The following TNIK variants were observed in gnomAD, a reference collection of about 807,000 sequenced individuals.
TNIK encodes TRAF2 and NCK-interacting protein kinase.
A neutral mutation model predicts 191.3 loss-of-function variants in TNIK; 49 were observed. The observed-to-expected ratio is 0.26, with a 90% CI of 0.20 to 0.32. The LOEUF (loss-of-function observed/expected upper bound fraction) is 0.32. TNIK is among the 10% of genes least tolerant of loss of function. The pLI, the probability that TNIK is intolerant of heterozygous loss-of-function variation, is 1.00. For missense variants in TNIK, 1,155 were observed against 1,702.3 expected (o/e 0.68, Z 5.66); for synonymous variants, 594 against 600.9 (o/e 0.99, Z 0.17).
chr3:171,244,891 T>C (rs61792441), intron 2 of TNIK, among the ~76,000 whole-genome samples: 4,168 of 151,720 alleles, frequency 0.027, 98 homozygotes, highest in East Asian at 0.078. Flanking sequence ...CTTGTCTAGA[T>C]TTCAACAAAA....
intron 18 of TNIK, among the ~76,000 whole-genome samples, chr3:171,113,998 TAAAAAAA>T (rs10576485): frequency 1.0e-4 from 14 of 139,448 alleles, no homozygotes; most frequent in African/African-American, 3.7e-4. Context: ...ACGATTTTGT[TAAAAAAA>T]AAAAAAAAAA....
In TNIK at chr3:171,408,916, A is replaced by T. The variant is rs141881082; in HGVS notation, c.58-39231T>A. On this transcript the variant is annotated intron_variant, in intron 1 of 32. Transcript: ENST00000436636. ...TGCCAATCGGTACACCTCACTCGCAACTGCACATCAGGGAATAAGAGTAAA... is the reference window on the plus strand; with the variant it reads ...TGCCAATCGGTACACCTCACTCGCATCTGCACATCAGGGAATAAGAGTAAA... 2.3e-3 allele frequency among the ~76,000 whole-genome samples: 344 copies of T among 152,258 alleles called. 2 individuals are homozygous for T. Among genetic ancestry groups the T allele is most frequent in the Admixed American group, 3.7e-3 (56 of 15,300 alleles).
intron 2 of TNIK, among the ~76,000 whole-genome samples, chr3:171,278,201 C>A (rs879520714): frequency 2.6e-4 from 39 of 152,112 alleles, no homozygotes; most frequent in Non-Finnish European, 1.2e-4. Flanking sequence ...TGCACAAGAT[C>A]CCTCTCTCCC....
rs760319253 is a variant in TNIK at position 171,264,067 on chromosome 3, TACACACACACAC to T, written c.124-35858_124-35847del. Among the ~76,000 whole-genome samples, 461 of 110,796 alleles carry T rather than the reference TACACACACACAC, an allele frequency of 4.2e-3. 4 individuals are homozygous for T. Among genetic ancestry groups the T allele is most frequent in the Non-Finnish European group, 5.1e-3 (271 of 53,484 alleles). The allele number at this position is 110,796 out of a possible 152,430, so 72.7% of individuals were successfully genotyped here. On this transcript the variant is annotated intron_variant, in intron 2 of 32. Transcript: ENST00000436636. ...ATATGTGTGTGTGTATATATATACA[TACACACACACAC>T]ACACACACACACACACACACACACA... is the stretch of plus-strand genomic sequence containing the variant.
chr3:171,299,873 C>A (rs185274254), intron 2 of TNIK, among the ~76,000 whole-genome samples: 1 of 152,164 alleles, frequency 6.6e-6, no homozygotes, highest in Non-Finnish European at 1.5e-5. Context: ...CAACACCTAA[C>A]GTACAAGGAG....
At chr3:171,315,037 AC>A (rs564418819) in intron 2 of TNIK, among the ~76,000 whole-genome samples, 2 of 151,664 alleles carry the variant, frequency 1.3e-5, no homozygotes, top group Non-Finnish European at 2.9e-5. Context: ...ACAACCACAA[AC>A]CCCCCCTCCT....
intron 3 of TNIK, 36 bp downstream of exon 3, chr3:171,228,129 G>A (rs769299956): frequency 1.2e-6 from 2 of 1,610,298 alleles, no homozygotes; most frequent in South Asian, 1.1e-5. Context: ...AGGAGCATCT[G>A]CATGGCTATT....
chr3:171,381,327 T>C (rs1717997686), intron 1 of TNIK, among the ~76,000 whole-genome samples: 1 of 152,204 alleles, frequency 6.6e-6, no homozygotes, highest in African/African-American at 2.4e-5. Context: ...GGGGTTTCTT[T>C]ACTGCAAGGC....
chr3:171,106,752 A>G (rs1177962841), intron 21 of TNIK: 1 of 535,620 alleles, frequency 1.9e-6, no homozygotes, highest in African/African-American at 1.9e-5. Flanking sequence ...AATTAATCTA[A>G]CAATACCTAC....
intron 28 of TNIK, among the ~76,000 whole-genome samples, chr3:171,076,322 A>G (rs9840558): frequency 0.99 from 151,456 of 152,284 alleles, 75,316 homozygotes; most frequent in Middle Eastern, 1. Context: ...CTAGTTGGCA[A>G]AATGTGATAC....
chr3:171,188,093 G>T (rs929178051), intron 7 of TNIK, among the ~76,000 whole-genome samples: 2 of 152,196 alleles, frequency 1.3e-5, no homozygotes, highest in South Asian at 4.1e-4. Context: ...GCTTCTTGGA[G>T]AAATCTATTT....
chr3:171,337,017 C>A (rs1037449650), intron 2 of TNIK, among the ~76,000 whole-genome samples: 34 of 152,318 alleles, frequency 2.2e-4, no homozygotes, highest in African/African-American at 8.2e-4. Flanking sequence ...TTCCCCACAG[C>A]CTCACCTCTC....
intron 2 of TNIK, among the ~76,000 whole-genome samples, chr3:171,285,315 A>G (rs1186449567): frequency 6.6e-6 from 1 of 152,236 alleles, no homozygotes; most frequent in Non-Finnish European, 1.5e-5. Context: ...TAAATTCCTC[A>G]GCAATACTTA....
At position 171,120,509 on chromosome 3, in the gene TNIK, C is replaced by T. The variant is rs141050071; in HGVS notation, c.2120+3087G>A. ...CTAATTTTTGTATTTTTAGTAGAGA[C>T]GGGGTTTCACCGTGTTAGCCAGGAT... On this transcript the variant is annotated intron_variant, in intron 18 of 32. Transcript: ENST00000436636. 1.2e-3 allele frequency among the ~76,000 whole-genome samples: 185 copies of T among 152,072 alleles called. 1 individual carries two copies. Among genetic ancestry groups the T allele is most frequent in the Admixed American group, 2.2e-3 (33 of 15,274 alleles).
chr3:171,339,612 G>A (rs186063718), intron 2 of TNIK, among the ~76,000 whole-genome samples: 147 of 152,288 alleles, frequency 9.7e-4, no homozygotes, highest in African/African-American at 3.2e-3. Flanking sequence ...TGAACAGACC[G>A]AGGTCCTTCA....
chr3:171,390,268 C>T (rs886558358), intron 1 of TNIK, among the ~76,000 whole-genome samples: 4 of 152,166 alleles, frequency 2.6e-5, no homozygotes, highest in Non-Finnish European at 4.4e-5. Context: ...TCGGTACTTT[C>T]GTTTAGCTAT....
chr3:171,178,164 G>C (rs1736187080), intron 7 of TNIK, among the ~76,000 whole-genome samples: 2 of 152,126 alleles, frequency 1.3e-5, no homozygotes, highest in Non-Finnish European at 1.5e-5. Flanking sequence ...CAAATCCGAG[G>C]GTGTATGCTT....
At chr3:171,376,734 T>A (rs530958736) in intron 1 of TNIK, among the ~76,000 whole-genome samples, 1 of 147,024 alleles carries the variant, frequency 6.8e-6, no homozygotes, top group Non-Finnish European at 1.5e-5. Flanking sequence ...TATATACAGA[T>A]AGATAGATAG....
chr3:171,346,115 GC>G (rs1229872322), intron 2 of TNIK, among the ~76,000 whole-genome samples: 4 of 152,164 alleles, frequency 2.6e-5, no homozygotes, highest in Admixed American at 1.3e-4. Flanking sequence ...GAAGGAACAA[GC>G]AACAGAGGTG....
Sources: gnomAD v4.1 joint callset for allele counts (sites outside exome capture counted in the v4.1 genomes callset) on GRCh38, gnomAD v4.1.1 for gene constraint, MANE v1.5 for transcripts, NCBI Gene and HGNC (gene_info 2026-07-23, HGNC 2026-07-21) for gene names.